The following ADGRL2 variants were observed in gnomAD, a reference collection of about 807,000 sequenced individuals.
The protein encoded by ADGRL2 is calcium-independent alpha-latrotoxin receptor 2.
In ADGRL2, 44 loss-of-function variants were observed where a neutral mutation model predicts 157.4. The observed-to-expected ratio is 0.28, with a 90% CI of 0.22 to 0.36. ADGRL2 has a LOEUF of 0.36. Ranked by LOEUF, ADGRL2 falls within the 10% of genes least tolerant of loss-of-function variation. The pLI, the probability that ADGRL2 is intolerant of heterozygous loss-of-function variation, is 1.00. For missense variants in ADGRL2, 1,510 were observed against 1,768.9 expected, an observed-to-expected ratio of 0.85 and a Z score of 2.63; for synonymous variants, 585 against 624.7, an observed-to-expected ratio of 0.94 and a Z score of 0.95.
intron 3 of ADGRL2, among the ~76,000 whole-genome samples, chr1:81,654,751 A>T (rs2082494164): frequency 6.6e-6 from 1 of 152,026 alleles, no homozygotes; most frequent in Non-Finnish European, 1.5e-5. Context: ...TTTAACTCTC[A>T]CTGTAGTCTA....
chr1:81,390,572 C>G (rs1334731742), intron 1 of ADGRL2, among the ~76,000 whole-genome samples: 1 of 151,486 alleles, frequency 6.6e-6, no homozygotes, highest in Non-Finnish European at 1.5e-5. Flanking sequence ...TAAATGCCCT[C>G]CCTCCTATCA....
intron 2 of ADGRL2, among the ~76,000 whole-genome samples, chr1:81,546,044 C>T (rs986049532): frequency 1.3e-5 from 2 of 152,214 alleles, no homozygotes; most frequent in Admixed American, 1.3e-4. Context: ...GATCAGTGCT[C>T]TTAAAAATAT....
chr1:81,353,849 C>A (rs74093349), intron 1 of ADGRL2, among the ~76,000 whole-genome samples: 17,740 of 152,096 alleles, frequency 0.12, 1,156 homozygotes, highest in Non-Finnish European at 0.13. Flanking sequence ...CAGTCACCAG[C>A]GAGCTAAAGG....
intron 3 of ADGRL2, among the ~76,000 whole-genome samples, chr1:81,646,502 A>G (rs1467410422): frequency 6.6e-6 from 1 of 152,200 alleles, no homozygotes; most frequent in Non-Finnish European, 1.5e-5. Flanking sequence ...CAAGTAGCAA[A>G]TGCACTAAGC....
intron 13 of ADGRL2, among the ~76,000 whole-genome samples, chr1:81,967,463 G>A (rs1213631660): frequency 6.6e-6 from 1 of 151,976 alleles, no homozygotes; most frequent in Non-Finnish European, 1.5e-5. Flanking sequence ...GGGTTTCACT[G>A]TGTTAGCCAG....
chr1:81,825,652 G>T, intron 1 of ADGRL2, among the ~76,000 whole-genome samples: 1 of 85,542 alleles, frequency 1.2e-5, no homozygotes, highest in Non-Finnish European at 2.2e-5. Context: ...GCCAGACCCT[G>T]TCTCCAAAAA....
chr1:81,945,369 T>G lies in ADGRL2; in HGVS notation c.1210+1600T>G, dbSNP rs76038950. Among the ~76,000 whole-genome samples, 1,501 of 152,152 alleles carry G rather than the reference T, an allele frequency of 9.9e-3. 28 individuals carry two copies. The highest frequency in any genetic ancestry group is 0.035 in the African/African-American group (1,437 of 41,524). On this transcript the variant is annotated intron_variant, in intron 6 of 23. Coordinates refer to ENST00000686636, the MANE Select transcript of ADGRL2 (RefSeq NM_001366006.2). ...GTAGCCTGTATTAGTCTCACAGTTG[T>G]TAGATTTGTCTTGGGTAGCAGTAAA...
chr1:81,435,907 A>G (rs548866892), intron 1 of ADGRL2, among the ~76,000 whole-genome samples: 23 of 151,920 alleles, frequency 1.5e-4, no homozygotes, highest in African/African-American at 5.3e-4. Context: ...GACCAGCCTG[A>G]CCAACATGGA....
chr1:81,971,531 T>C (rs1232954057), intron 16 of ADGRL2, among the ~76,000 whole-genome samples: 1 of 152,156 alleles, frequency 6.6e-6, no homozygotes, highest in Non-Finnish European at 1.5e-5. Context: ...CAATTTGCAA[T>C]ATTGAGTTTC....
intron 3 of ADGRL2, among the ~76,000 whole-genome samples, chr1:81,641,142 T>C (rs1392120174): frequency 1.3e-5 from 2 of 152,184 alleles, no homozygotes; most frequent in Non-Finnish European, 2.9e-5. Context: ...ACAAAGTCAA[T>C]TGAGATCTTT....
At chr1:81,679,702 A>G (rs2083069337) in intron 3 of ADGRL2, among the ~76,000 whole-genome samples, 2 of 152,172 alleles carry the variant, frequency 1.3e-5, no homozygotes, top group Non-Finnish European at 1.5e-5. Context: ...AAGGAGTAAT[A>G]TTTTCTAGAA....
chr1:81,850,132 C>T (rs967441602), intron 2 of ADGRL2, among the ~76,000 whole-genome samples: 3 of 151,892 alleles, frequency 2.0e-5, no homozygotes, highest in Admixed American at 6.6e-5. Flanking sequence ...ATTACTGGTG[C>T]TGGAGCACAA....
chr1:81,711,012 G>C (rs1222990386), intron 1 of ADGRL2, among the ~76,000 whole-genome samples: 1 of 152,090 alleles, frequency 6.6e-6, no homozygotes, highest in Non-Finnish European at 1.5e-5. Flanking sequence ...TGGTCATTTG[G>C]AAAGTATTGT....
At chr1:81,530,096 C>T (rs2079562580) in intron 2 of ADGRL2, among the ~76,000 whole-genome samples, 1 of 152,112 alleles carries the variant, frequency 6.6e-6, no homozygotes, top group Non-Finnish European at 1.5e-5. Context: ...TGGGATCAAT[C>T]AATTAAATAC....
At position 81,969,301 on chromosome 1, in the gene ADGRL2, C is replaced by T; in HGVS notation, c.2647C>T (p.Arg883Ter). The change falls in exon 15 of 24, where the codon CGA becomes TGA. Residue 883 changes from arginine to a stop codon, truncating the protein, a stop_gained. Transcript: ENST00000686636. LOFTEE classifies it high-confidence loss of function. ...FCFFRGLQSDRNTIHKNLCIN... is the reference protein window; with the variant it reads ...FCFFRGLQSD Reference sequence around the variant, plus strand: ...CTTTTTCCGTGGCCTACAGAGTGACCGAAATACTATTCACAAGAACCTTTG... The same window carrying T: ...CTTTTTCCGTGGCCTACAGAGTGACTGAAATACTATTCACAAGAACCTTTG... 1.9e-6 allele frequency: 3 copies of T among 1,613,840 alleles called. No homozygotes were observed. The highest frequency in any genetic ancestry group is 1.7e-6 in the Non-Finnish European group (2 of 1,179,822).
chr1:81,695,675 G>T (rs991464477), upstream of ADGRL2, among the ~76,000 whole-genome samples: 2 of 152,094 alleles, frequency 1.3e-5, no homozygotes, highest in African/African-American at 4.8e-5. Context: ...GCAAAAATTA[G>T]CTGGATGTGA....
At chr1:81,406,834 C>T (rs2076862813) in intron 1 of ADGRL2, among the ~76,000 whole-genome samples, 1 of 152,162 alleles carries the variant, frequency 6.6e-6, no homozygotes, top group South Asian at 2.1e-4. Flanking sequence ...CCAATTTGAG[C>T]TTGTCAGTCT....
intron 17 of ADGRL2, among the ~76,000 whole-genome samples, chr1:81,972,376 T>A (rs1659004577): frequency 6.6e-6 from 1 of 152,114 alleles, no homozygotes; most frequent in African/African-American, 2.4e-5. Context: ...TGTTTAAGCT[T>A]GCATTAACGA....
intron 1 of ADGRL2, among the ~76,000 whole-genome samples, chr1:81,349,108 G>C (rs1662688263): frequency 6.6e-6 from 1 of 152,078 alleles, no homozygotes; most frequent in East Asian, 1.9e-4. Context: ...GATTGTTTTG[G>C]ATGGAATCAT....
Sources: allele counts gnomAD v4.1 joint callset (sites outside exome capture counted in the v4.1 genomes callset), GRCh38; gene constraint gnomAD v4.1.1; transcripts MANE v1.5; gene names NCBI Gene and HGNC (gene_info 2026-07-23, HGNC 2026-07-21).